BRAF: variants seen among roughly 807,000 people sequenced by gnomAD.
The protein encoded by BRAF is serine/threonine-protein kinase B-raf.
A neutral mutation model predicts 104.6 loss-of-function variants in BRAF; 16 were observed. The ratio of observed to expected loss-of-function variants is 0.15; its 90% CI spans 0.10 to 0.23. The LOEUF (loss-of-function observed/expected upper bound fraction) is 0.23. Among genes scored for constraint, BRAF ranks in the 10% least tolerant of loss-of-function variants. BRAF has a pLI of 1.00. For missense variants in BRAF, 541 were observed against 937.3 expected, an observed-to-expected ratio of 0.58 and a Z score of 5.52; for synonymous variants, 310 against 341.6, an observed-to-expected ratio of 0.91 and a Z score of 1.02.
At chr7:140,891,577 T>C (rs576344543) in intron 1 of BRAF, among the ~76,000 whole-genome samples, 2 of 152,286 alleles carry the variant, frequency 1.3e-5, no homozygotes, top group Non-Finnish European at 2.9e-5. Context: ...AACTTGCAGA[T>C]ATGGAGGGCC....
At chr7:140,828,730 A>G (rs763733490) in intron 3 of BRAF, among the ~76,000 whole-genome samples, 3 of 152,200 alleles carry the variant, frequency 2.0e-5, no homozygotes, top group Admixed American at 2.0e-4. Flanking sequence ...ATATCCTTGT[A>G]TAAATATTGG....
At chr7:140,742,185 G>GTT (rs144088430) in intron 17 of BRAF, among the ~76,000 whole-genome samples, 4 of 151,326 alleles carry the variant, frequency 2.6e-5, no homozygotes, top group Non-Finnish European at 4.4e-5. Context: ...ACATGGTGGG[G>GTT]TTTTTTTTGT....
At position 140,924,012 on chromosome 7, in the gene BRAF, G is replaced by A. The variant is rs1818558852; in HGVS notation, c.138+554C>T. Among the ~76,000 whole-genome samples, 1 of 152,060 alleles carries A rather than the reference G, an allele frequency of 6.6e-6. No homozygotes were observed. Among genetic ancestry groups the A allele is most frequent in the African/African-American group, 2.4e-5 (1 of 41,392 alleles). On this transcript the variant is annotated intron_variant, in intron 1 of 19. Coordinates refer to ENST00000644969, the MANE Select transcript of BRAF (RefSeq NM_001374258.1). The surrounding 1 kb of genome is among the most constrained non-coding windows in gnomAD (Gnocchi z 4.2). ...AAGACTAAATCAAAATAATTTGCTG[G>A]GTAAAACAGGTGAAGAGAAATCCCC...
intron 3 of BRAF, among the ~76,000 whole-genome samples, chr7:140,810,299 T>C (rs1586245816): frequency 6.6e-6 from 1 of 152,188 alleles, no homozygotes; most frequent in East Asian, 1.9e-4. Flanking sequence ...TTGGGTGCAG[T>C]GGCTAACACC....
Position 140,719,942 on chromosome 7 carries a change from A to T in BRAF, c.*6552T>A, listed in dbSNP as rs1324006588. On this transcript the variant is annotated 3_prime_UTR_variant, in exon 20 of 20. Transcript: ENST00000644969. Reference sequence around the variant, plus strand: ...AGTCGCCATAAGGTTTGGAGTGGTGAAACAGGAACCGTGAATTCACTGCAG... The same window carrying T: ...AGTCGCCATAAGGTTTGGAGTGGTGTAACAGGAACCGTGAATTCACTGCAG... 34 of 1,062,584 alleles carry T rather than the reference A, an allele frequency of 3.2e-5. No individual in the cohort carries two copies. The highest frequency in any genetic ancestry group is 3.6e-5 in the Non-Finnish European group (32 of 877,610). The allele number at this position is 1,062,584 out of a possible 1,614,324, so 65.8% of individuals were successfully genotyped here. A position where few individuals can be genotyped will look rare whatever the true frequency, so the allele number is the denominator to read the frequency against.
At chr7:140,917,054 T>C (rs775026025) in intron 1 of BRAF, among the ~76,000 whole-genome samples, 5 of 152,238 alleles carry the variant, frequency 3.3e-5, no homozygotes, top group Non-Finnish European at 7.3e-5. Context: ...GTGAAACAAC[T>C]GGACATCCAT....
chr7:140,894,929 A>G (rs1321338360), intron 1 of BRAF, among the ~76,000 whole-genome samples: 1 of 152,228 alleles, frequency 6.6e-6, no homozygotes, highest in African/African-American at 2.4e-5. Context: ...TACTTTCGAG[A>G]AACATTTTCT....
In BRAF at chr7:140,724,290, A is replaced by T. The variant is rs1157118476; in HGVS notation, c.*2204T>A. ...GACATGAAACACATCCTCTTGTTCA[A>T]GCCCAGGTCTCTCTACCTGCGGAAA... On this transcript the variant is annotated 3_prime_UTR_variant, in exon 20 of 20. Transcript: ENST00000644969. 9.5e-7 allele frequency: 1 copy of T among 1,057,742 alleles called. No homozygotes were observed. The highest frequency in any genetic ancestry group is 5.2e-5 in the East Asian group (1 of 19,198). 65.5% of individuals were successfully genotyped at this position (1,057,742 alleles called of 1,614,324 possible).
At chr7:140,716,279 CCAT>C (rs1429953455), downstream of BRAF, among the ~76,000 whole-genome samples, 1 of 152,160 alleles carries the variant, frequency 6.6e-6, no homozygotes, top group Non-Finnish European at 1.5e-5. Flanking sequence ...AGGAGCTCTA[CCAT>C]TTGCTTGCTA....
rs560263647 is a variant in BRAF at position 140,807,322 on chromosome 7, A to G, written c.711+638T>C. ...GACCTTGTTTAGCCCTGTATGTAAC[A>G]GATTTTTTATAATACAAAAACTTAA... On this transcript the variant is annotated intron_variant, in intron 5 of 19. Coordinates refer to ENST00000644969, the MANE Select transcript of BRAF (RefSeq NM_001374258.1). Among the ~76,000 whole-genome samples the G allele has an allele frequency of 9.2e-5, 14 of 152,342 alleles. No homozygotes were observed. In the East Asian group the frequency reaches 2.5e-3, roughly 27 times the overall value.
intron 1 of BRAF, among the ~76,000 whole-genome samples, chr7:140,909,424 T>C (rs1438310441): frequency 6.6e-6 from 1 of 151,988 alleles, no homozygotes; most frequent in East Asian, 1.9e-4. Context: ...GTCACAAAAA[T>C]AAAAATAAAA....
At chr7:140,915,583 C>T (rs753315881) in intron 1 of BRAF, among the ~76,000 whole-genome samples, 5 of 151,612 alleles carry the variant, frequency 3.3e-5, no homozygotes, top group African/African-American at 1.2e-4. Flanking sequence ...TACAGACATG[C>T]GCCACCATGC....
At chr7:140,818,072 A>C (rs1350636938) in intron 3 of BRAF, among the ~76,000 whole-genome samples, 1 of 152,050 alleles carries the variant, frequency 6.6e-6, no homozygotes, top group Non-Finnish European at 1.5e-5. Flanking sequence ...CTACACATAT[A>C]TATAATAAAA....
chr7:140,903,031 TCTCCTGC>T (rs1815844569), intron 1 of BRAF, among the ~76,000 whole-genome samples: 1 of 151,840 alleles, frequency 6.6e-6, no homozygotes, highest in Non-Finnish European at 1.5e-5. Flanking sequence ...TTCAAGCGAT[TCTCCTGC>T]CTCAGCCTCC....
chr7:140,759,575 G>A (rs1273287880), intron 14 of BRAF, among the ~76,000 whole-genome samples: 1 of 152,124 alleles, frequency 6.6e-6, no homozygotes, highest in Admixed American at 6.5e-5. Context: ...TAGTAGAGAT[G>A]GGGTTTCACC....
At chr7:140,774,304 ACAAC>A (rs1800123057) in intron 14 of BRAF, among the ~76,000 whole-genome samples, 1 of 152,256 alleles carries the variant, frequency 6.6e-6, no homozygotes, top group South Asian at 2.1e-4. Flanking sequence ...ATTTAAAAAC[ACAAC>A]CAAAGTGTTT....
rs867587561 is a variant in BRAF at position 140,783,780 on chromosome 7, A to G, written c.1298-623T>C. Reference sequence around the variant, plus strand: ...TAAACAAAGATTATTTGTTACCTACAAAACAAAGTTAATGTAAATAAAGCC... The same window carrying G: ...TAAACAAAGATTATTTGTTACCTACGAAACAAAGTTAATGTAAATAAAGCC... On this transcript the variant is annotated intron_variant, in intron 10 of 19. Transcript: ENST00000644969. Among the ~76,000 whole-genome samples the G allele has an allele frequency of 5.3e-5, 8 of 152,364 alleles. No homozygotes were observed. In the South Asian group the frequency reaches 1.2e-3, roughly 24 times the overall value.
chr7:140,717,293 T>C (rs1209217035), downstream of BRAF, among the ~76,000 whole-genome samples: 1 of 152,140 alleles, frequency 6.6e-6, no homozygotes, highest in African/African-American at 2.4e-5. Flanking sequence ...GTTTTTTTTT[T>C]TCTCTGAAAC....
At chr7:140,893,935 C>G (rs1814570306) in intron 1 of BRAF, among the ~76,000 whole-genome samples, 1 of 152,106 alleles carries the variant, frequency 6.6e-6, no homozygotes, top group Non-Finnish European at 1.5e-5. Context: ...AATTTGAGAC[C>G]AGCCTGGTCA....
Sources: allele counts gnomAD v4.1 joint callset (sites outside exome capture counted in the v4.1 genomes callset), GRCh38; gene constraint gnomAD v4.1.1; non-coding constraint Gnocchi (gnomAD v3.1); transcripts MANE v1.5; gene names NCBI Gene and HGNC (gene_info 2026-07-23, HGNC 2026-07-21).